ADD2: variants seen among roughly 807,000 people sequenced by gnomAD.
ADD2 encodes the protein beta-adducin.
In ADD2, 23 loss-of-function variants were observed where a neutral mutation model predicts 83.0. That is an observed-to-expected ratio of 0.28 (90% confidence interval 0.20 to 0.39). The LOEUF (loss-of-function observed/expected upper bound fraction) is 0.39. Among genes scored for constraint, ADD2 ranks in the 10% least tolerant of loss-of-function variants. ADD2 has a pLI of 1.00. For missense variants in ADD2, 758 were observed against 944.9 expected, an observed-to-expected ratio of 0.80 and a Z score of 2.59; for synonymous variants, 375 against 375.4, an observed-to-expected ratio of 1.00 and a Z score of 0.01.
Position 70,768,091 on chromosome 2 carries a change from G to GGCC in ADD2, c.-362_-360dup. ...CGGCTCCGCGGCGGCGGGGATGACT[G>GGCC]GCCACCGACGCCGCAGTTCCTTGAC... is the stretch of plus-strand genomic sequence containing the variant. On this transcript the variant is annotated 5_prime_UTR_variant, in exon 1 of 16. Coordinates refer to ENST00000264436, the MANE Select transcript of ADD2 (RefSeq NM_001617.4). 1.1e-6 allele frequency: 1 copy of GGCC among 941,598 alleles called. No homozygotes were observed. Among genetic ancestry groups the GGCC allele is most frequent in the Non-Finnish European group, 1.5e-6 (1 of 645,322 alleles). 58.3% of individuals were successfully genotyped at this position (941,598 alleles called of 1,614,324 possible). A position where few individuals can be genotyped will look rare whatever the true frequency, so the allele number is the denominator to read the frequency against.
At chr2:70,767,708 AAACCTT>A in intron 1 of ADD2, 172 bp downstream of exon 1, 1 of 1,415,698 alleles carries the variant, frequency 7.1e-7, no homozygotes, top group South Asian at 1.5e-5. Flanking sequence ...TCATCACCAG[AAACCTT>A]TAGGCGCAAA....
intron 1 of ADD2, among the ~76,000 whole-genome samples, chr2:70,725,624 G>A (rs953704453): frequency 2.4e-4 from 36 of 152,054 alleles, no homozygotes; most frequent in African/African-American, 8.7e-4. Flanking sequence ...AGATTGGAGT[G>A]AGGCAGCCAC....
intron 1 of ADD2, among the ~76,000 whole-genome samples, chr2:70,719,512 G>A (rs548917732): frequency 6.6e-6 from 1 of 152,302 alleles, no homozygotes; most frequent in East Asian, 1.9e-4. Flanking sequence ...AAACCATGTG[G>A]ACCTCATGCC....
intron 4 of ADD2, among the ~76,000 whole-genome samples, chr2:70,702,983 C>T (rs1671676784): frequency 2.0e-5 from 3 of 152,056 alleles, no homozygotes; most frequent in South Asian, 4.2e-4. Context: ...AAAAATTAGC[C>T]AGGCATGTGG....
At position 70,693,292 on chromosome 2, in the gene ADD2, C is replaced by G. The variant is rs536309690; in HGVS notation, c.556-740G>C. On this transcript the variant is annotated intron_variant, in intron 6 of 15. Coordinates refer to ENST00000264436, the MANE Select transcript of ADD2 (RefSeq NM_001617.4). ...AACACCTCCCCGATTTCCCGGAGTG[C>G]AATCTCCCGGCAGCTGGAAGTTAAC... 2.6e-5 allele frequency among the ~76,000 whole-genome samples: 4 copies of G among 152,334 alleles called. No individual in the cohort carries two copies. In the East Asian group the frequency reaches 7.7e-4, roughly 29 times the overall value.
intron 11 of ADD2, 31 bp from the exon 12 acceptor site, chr2:70,677,908 T>C (rs782522514): frequency 1.2e-6 from 2 of 1,613,464 alleles, no homozygotes; most frequent in Non-Finnish European, 1.7e-6. Context: ...GGGGCTGAGG[T>C]GAGGGAACAG....
intron 1 of ADD2, among the ~76,000 whole-genome samples, chr2:70,715,872 T>C (rs1314011512): frequency 6.6e-6 from 1 of 151,946 alleles, no homozygotes; most frequent in Non-Finnish European, 1.5e-5. Context: ...TTTTATGTCC[T>C]AAATATCTCT....
chr2:70,667,662 C>T (rs1553366376), intron 15 of ADD2, among the ~76,000 whole-genome samples: 1 of 152,128 alleles, frequency 6.6e-6, no homozygotes, highest in Admixed American at 6.5e-5. Flanking sequence ...GCTCTTGTCA[C>T]CCAGGCTGGA....
intron 15 of ADD2, among the ~76,000 whole-genome samples, chr2:70,671,463 A>T (rs73936997): frequency 0.15 from 22,480 of 152,188 alleles, 1,826 homozygotes; most frequent in African/African-American, 0.22. Flanking sequence ...TGTGAGTCGC[A>T]AAAGAAAAAT....
chr2:70,739,548 T>C (rs1332055609), intron 1 of ADD2, among the ~76,000 whole-genome samples: 3 of 152,228 alleles, frequency 2.0e-5, no homozygotes, highest in African/African-American at 7.2e-5. Context: ...CCCAAAGGAA[T>C]ATAAATCATT....
chr2:70,666,452 G>A (rs1311281138), intron 15 of ADD2, among the ~76,000 whole-genome samples: 1 of 152,094 alleles, frequency 6.6e-6, no homozygotes, highest in African/African-American at 2.4e-5. Flanking sequence ...GGCTCTCCAG[G>A]GCTCTGCAAC....
chr2:70,758,863 G>A (rs1371634231), intron 1 of ADD2, among the ~76,000 whole-genome samples: 1 of 152,114 alleles, frequency 6.6e-6, no homozygotes, highest in African/African-American at 2.4e-5. Flanking sequence ...GAAGAAGGTG[G>A]GGGGACTCTA....
Position 70,661,644 on chromosome 2 carries a change from T to C in ADD2, c.*1781A>G, listed in dbSNP as rs900650067. Reference sequence around the variant, plus strand: ...CCTCTCCTTTGTCAGAGGCACACAGTAGCATCACCACAGTCCACATTGACC... The same window carrying C: ...CCTCTCCTTTGTCAGAGGCACACAGCAGCATCACCACAGTCCACATTGACC... On this transcript the variant is annotated 3_prime_UTR_variant, in exon 16 of 16. Coordinates refer to ENST00000264436, the MANE Select transcript of ADD2 (RefSeq NM_001617.4). The C allele has an allele frequency of 1.3e-5, 2 of 152,218 alleles. No homozygotes were observed. The highest frequency in any genetic ancestry group is 2.9e-5 in the Non-Finnish European group (2 of 68,042). 9.4% of individuals were successfully genotyped at this position (152,218 alleles called of 1,614,324 possible). A position where few individuals can be genotyped will look rare whatever the true frequency, so the allele number is the denominator to read the frequency against.
intron 15 of ADD2, among the ~76,000 whole-genome samples, chr2:70,670,798 C>A (rs1359494966): frequency 3.3e-5 from 5 of 152,168 alleles, no homozygotes; most frequent in African/African-American, 9.7e-5. Flanking sequence ...CACCGGGCTC[C>A]CCACCCAACT....
chr2:70,706,603 C>T lies in ADD2; in HGVS notation c.-34-161G>A, dbSNP rs1193340269. Among the ~76,000 whole-genome samples the T allele has an allele frequency of 1.3e-5, 2 of 152,178 alleles. No homozygotes were observed. Among genetic ancestry groups the T allele is most frequent in the South Asian group, 4.1e-4 (2 of 4,828 alleles). On this transcript the variant is annotated intron_variant, in intron 2 of 15. Coordinates refer to ENST00000264436, the MANE Select transcript of ADD2 (RefSeq NM_001617.4). This position sits in a 1 kb window ranked among gnomAD's most constrained non-coding sequence, Gnocchi z 5.0. ...GGGGAGGAGGGCAGGACGCCAGCAG[C>T]GGCCCCATATACCCATCTATAGGGG...
At chr2:70,750,986 T>C (rs1674476638) in intron 1 of ADD2, among the ~76,000 whole-genome samples, 2 of 152,196 alleles carry the variant, frequency 1.3e-5, no homozygotes, top group Non-Finnish European at 2.9e-5. Flanking sequence ...CACGTTTCCT[T>C]GAAATCAAAT....
rs371037085 is a variant in ADD2 at position 70,723,737 on chromosome 2, T to A, written c.-153-10553A>T. 2.6e-5 allele frequency among the ~76,000 whole-genome samples: 4 copies of A among 152,196 alleles called. No individual in the cohort carries two copies. The East Asian group carries it at 5.8e-4, about 22-fold the overall frequency. ...ACCCCCTTGACCCAGCCAGTAATTA[T>A]AGGCACAAAATGCTGTGCCCAGCCG... On this transcript the variant is annotated intron_variant, in intron 1 of 15. Transcript: ENST00000264436.
chr2:70,743,181 AATT>A (rs1674010783), intron 1 of ADD2, among the ~76,000 whole-genome samples: 1 of 152,174 alleles, frequency 6.6e-6, no homozygotes, highest in African/African-American at 2.4e-5. Context: ...CTGGAGTCAA[AATT>A]ATCATTGAAC....
At chr2:70,736,100 C>G (rs191803786) in intron 1 of ADD2, among the ~76,000 whole-genome samples, 2 of 152,170 alleles carry the variant, frequency 1.3e-5, no homozygotes, top group African/African-American at 4.8e-5. Flanking sequence ...GCCCTATACT[C>G]AAATCCAGAG....
Sources: allele counts gnomAD v4.1 joint callset (sites outside exome capture counted in the v4.1 genomes callset), GRCh38; gene constraint gnomAD v4.1.1; non-coding constraint Gnocchi (gnomAD v3.1); transcripts MANE v1.5; gene names NCBI Gene and HGNC (gene_info 2026-07-23, HGNC 2026-07-21).